Variants in FANCB observed in about 807,000 individuals in gnomAD.
FANCB encodes the protein Fanconi anemia group B protein.
Under a neutral mutation model 38.9 loss-of-function variants are expected in FANCB, and 5 were observed. The observed-to-expected ratio is 0.13, with a 90% CI of 0.07 to 0.27. FANCB has a LOEUF of 0.27. FANCB is among the 10% of genes least tolerant of loss of function. The probability of loss-of-function intolerance (pLI) is 1.00; values close to 1 mark genes in which losing one functional copy is unlikely to be tolerated. For synonymous variants in FANCB, 236 were observed against 215.4 expected, an observed-to-expected ratio of 1.10 and a Z score of -0.84; for missense variants, 573 against 602.7, an observed-to-expected ratio of 0.95 and a Z score of 0.52.
chrX:14,855,169 A>G, intron 5 of FANCB, among the ~76,000 whole-genome samples: 1 of 111,921 alleles, frequency 8.9e-6, no homozygotes, highest in Non-Finnish European at 1.9e-5. Flanking sequence ...TGTGTACAAG[A>G]TTCTCTAAGG....
In FANCB at chrX:14,850,578, C is replaced by T; in HGVS notation, c.1423G>A (p.Val475Ile). 8.4e-7 allele frequency: 1 copy of T among 1,191,019 alleles called. No homozygotes were observed. The highest frequency in any genetic ancestry group is 1.1e-6 in the Non-Finnish European group (1 of 876,928). Residue 475 changes from valine to isoleucine, a missense_variant, in exon 7 of 10, where the codon GTA becomes ATA. Physicochemically the swap from Val to Ile is conservative, Grantham distance 29. Transcript: ENST00000650831. ...ATTACACGATACCATATCTTCTCTA[C>T]TAGCTGTTCTGAATCTTGAAAATTG... is the stretch of plus-strand genomic sequence containing the variant. ...SDNFQDSEQLVEKIWYRVIDD... is the reference protein window; with the variant it reads ...SDNFQDSEQLIEKIWYRVIDD...
chrX:14,859,478 T>C lies in FANCB; in HGVS notation c.952-144A>G, dbSNP rs1381942019. 6.8e-6 allele frequency: 3 copies of C among 440,367 alleles called. No individual in the cohort carries two copies. In the East Asian group the frequency reaches 1.2e-4, roughly 17 times the overall value. The allele number at this position is 440,367 out of a possible 1,213,427, so 36.3% of individuals were successfully genotyped here. ...GTAATGAAAATAGTAAAAACTAAAA[T>C]AAAATAAAGATATTAGGGGATGAGG... On this transcript the variant is annotated intron_variant, in intron 3 of 9. Coordinates refer to ENST00000650831, the MANE Select transcript of FANCB (RefSeq NM_001018113.3).
chrX:14,820,901 A>G, the FANCB span, among the ~76,000 whole-genome samples: 1 of 111,798 alleles, frequency 8.9e-6, no homozygotes, highest in African/African-American at 3.2e-5. Flanking sequence ...ATGATCCCAA[A>G]TTTAAAAGCT....
At chrX:14,696,210 G>T in the FANCB span, among the ~76,000 whole-genome samples, 1 of 99,077 alleles carries the variant, frequency 1.0e-5, no homozygotes, top group African/African-American at 3.7e-5. Context: ...ATGGGATGGA[G>T]GGAGAGTGCG....
the FANCB span, among the ~76,000 whole-genome samples, chrX:14,691,296 T>A: frequency 1.9e-5 from 2 of 103,933 alleles, no homozygotes; most frequent in African/African-American, 7.4e-5. Flanking sequence ...TGTGTGTGTG[T>A]GTGTGTGTGT....
In FANCB at chrX:14,853,235, T is replaced by C. The variant is rs2092409528; in HGVS notation, c.1198-68A>G. 18 of 983,242 alleles carry C rather than the reference T, an allele frequency of 1.8e-5. No homozygotes were observed. The Admixed American group carries it at 2.1e-4, about 12-fold the overall frequency. The allele number at this position is 983,242 out of a possible 1,213,427, so 81.0% of individuals were successfully genotyped here. ...AAATGAAACCAGACATACCAATAATTCAGGAAATACTTTCTCCAAATGTGC... is the reference window on the plus strand; with the variant it reads ...AAATGAAACCAGACATACCAATAATCCAGGAAATACTTTCTCCAAATGTGC... On this transcript the variant is annotated intron_variant, in intron 5 of 9. Transcript: ENST00000650831.
the FANCB span, among the ~76,000 whole-genome samples, chrX:14,814,474 G>GA: frequency 8.9e-6 from 1 of 111,973 alleles, no homozygotes; most frequent in Non-Finnish European, 1.9e-5. Context: ...AAATTTACAA[G>GA]AAAAAATCAA....
the FANCB span, among the ~76,000 whole-genome samples, chrX:14,768,934 G>A: frequency 9.0e-6 from 1 of 111,662 alleles, no homozygotes; most frequent in African/African-American, 3.3e-5. Context: ...TTTTTGGCAT[G>A]AGTTCTGTTT....
chrX:14,811,375 C>T, the FANCB span, among the ~76,000 whole-genome samples: 58 of 111,080 alleles, frequency 5.2e-4, no homozygotes, highest in African/African-American at 1.7e-3. Context: ...GACTGGCAAA[C>T]TGGATAAAGA....
the FANCB span, among the ~76,000 whole-genome samples, chrX:14,791,398 C>T: frequency 1.8e-5 from 2 of 111,662 alleles, no homozygotes; most frequent in Admixed American, 1.9e-4. Context: ...CTAGAACAGA[C>T]CCTTCCCTAG....
chrX:14,692,638 C>T, the FANCB span, among the ~76,000 whole-genome samples: 1 of 111,670 alleles, frequency 9.0e-6, no homozygotes, highest in Non-Finnish European at 1.9e-5. Flanking sequence ...AGAATCTGTA[C>T]CCTTAATAAG....
chrX:14,842,091 C>T (rs181964948), downstream of FANCB, among the ~76,000 whole-genome samples: 7 of 111,632 alleles, frequency 6.3e-5, no homozygotes, highest in East Asian at 2.0e-3. Flanking sequence ...GCAGTTTCAA[C>T]AGATAGCACA....
chrX:14,800,402 GCCAA>G, the FANCB span, among the ~76,000 whole-genome samples: 1 of 111,351 alleles, frequency 9.0e-6, no homozygotes, highest in East Asian at 2.8e-4. Context: ...GCTAAGGAAA[GCCAA>G]AAATTGCCAG....
chrX:14,696,428 G>A, the FANCB span, among the ~76,000 whole-genome samples: 1 of 111,763 alleles, frequency 8.9e-6, no homozygotes, highest in Admixed American at 9.5e-5. Context: ...ATAAGCATGT[G>A]TGACTAAGGT....
the FANCB span, among the ~76,000 whole-genome samples, chrX:14,809,671 A>C: frequency 8.9e-6 from 1 of 112,903 alleles, no homozygotes; most frequent in African/African-American, 3.2e-5. Flanking sequence ...TAAACAAAGC[A>C]GCTGGGAAGC....
At chrX:14,786,708 G>C in the FANCB span, among the ~76,000 whole-genome samples, 3 of 110,606 alleles carry the variant, frequency 2.7e-5, no homozygotes, top group Admixed American at 2.9e-4. Flanking sequence ...AAGCAGATTG[G>C]GGTAAAATTG....
At chrX:14,807,260 C>G in the FANCB span, among the ~76,000 whole-genome samples, 1 of 112,200 alleles carries the variant, frequency 8.9e-6, no homozygotes, top group Non-Finnish European at 1.9e-5. Context: ...CACACACAGC[C>G]CCAACAACTA....
the FANCB span, among the ~76,000 whole-genome samples, chrX:14,723,364 C>T: frequency 1.8e-5 from 2 of 112,071 alleles, no homozygotes; most frequent in African/African-American, 6.5e-5. Context: ...TTGCTCTCTA[C>T]CTATACCACC....
chrX:14,844,590 A>G lies in FANCB; in HGVS notation c.2078T>C (p.Phe693Ser). ...ATAGAAACTTCCCGGTCTTTCACAA[A>G]AGTACACTTCTGGAAATTCTTTGAT... ...EIIKEFPEVY[F>S]CERPGSFYGT... Residue 693 changes from phenylalanine to serine, a missense_variant, in exon 9 of 10, where the codon TTT becomes TCT. Coordinates refer to ENST00000650831, the MANE Select transcript of FANCB (RefSeq NM_001018113.3). 1 of 1,210,183 alleles carries G rather than the reference A, an allele frequency of 8.3e-7. No homozygotes were observed. The highest frequency in any genetic ancestry group is 1.8e-5 in the South Asian group (1 of 56,981).
Sources: gnomAD v4.1 joint callset for allele counts (sites outside exome capture counted in the v4.1 genomes callset) on GRCh38, gnomAD v4.1.1 for gene constraint, MANE v1.5 for transcripts, NCBI Gene and HGNC (gene_info 2026-07-23, HGNC 2026-07-21) for gene names.